Variants in DIDO1 observed in about 807,000 individuals in gnomAD.
The protein encoded by DIDO1 is death-inducer obliterator 1.
A neutral mutation model predicts 99.4 loss-of-function variants in DIDO1; 16 were observed. The observed-to-expected ratio is 0.16, with a 90% CI of 0.11 to 0.24. The LOEUF is 0.24. DIDO1 is among the 10% of genes least tolerant of loss of function. DIDO1 has a pLI of 1.00. For missense variants in DIDO1, 2,996 were observed against 3,014.0 expected (o/e 0.99, Z 0.14); for synonymous variants, 1,366 against 1,239.1 (o/e 1.10, Z -2.15).
intron 6 of DIDO1, among the ~76,000 whole-genome samples, chr20:62,902,876 A>T (rs977118278): frequency 1.3e-5 from 2 of 152,232 alleles, no homozygotes; most frequent in Non-Finnish European, 2.9e-5. Context: ...TGTTTAAGTC[A>T]CTTAATGAGC....
At chr20:62,889,660 TG>T in intron 15 of DIDO1, 1 of 985,410 alleles carries the variant, frequency 1.0e-6, no homozygotes, top group Non-Finnish European at 1.2e-6. Context: ...TTCCTCTCCC[TG>T]GTCACGTGGA....
chr20:62,882,109 C>T lies in DIDO1; in HGVS notation c.3847G>A (p.Ala1283Thr). 1 of 1,612,890 alleles carries T rather than the reference C, an allele frequency of 6.2e-7. No individual in the cohort carries two copies. Among genetic ancestry groups the T allele is most frequent in the Non-Finnish European group, 8.5e-7 (1 of 1,180,010 alleles). ...GTGGCTGCTGTGGCTGGGCTGGGGG[C>T]TGCAGGTTTGAGGGATGACAGCACT... ...LKVLSSLKPA[A>T]PSPATAATTA... is the part of the protein sequence containing the mutation. The change falls in exon 16 of 16, where the codon GCC becomes ACC. Residue 1283 changes from alanine (A) to threonine (T), a missense_variant. Physicochemically the swap from Ala to Thr is moderately conservative, Grantham distance 58. Transcript: ENST00000395343.
intron 15 of DIDO1, chr20:62,890,713 G>C (rs2064378750): frequency 3.0e-6 from 4 of 1,355,824 alleles, no homozygotes; most frequent in East Asian, 5.9e-5. Flanking sequence ...TGAGCTGGTT[G>C]CAGGCTGTGG....
chr20:62,911,943 G>A lies in DIDO1; in HGVS notation c.-2-329C>T, dbSNP rs1484042607. Among the ~76,000 whole-genome samples, 1 of 150,988 alleles carries A rather than the reference G, an allele frequency of 6.6e-6. No homozygotes were observed. The highest frequency in any genetic ancestry group is 2.5e-5 in the African/African-American group (1 of 40,294). ...TAGGAAATATTGGACAGTATAGCAG[G>A]GTAAGGATGTGAGTAAGGACGTGAG... On this transcript the variant is annotated intron_variant, in intron 2 of 15. Coordinates refer to ENST00000395343, the MANE Select transcript of DIDO1 (RefSeq NM_001193369.2). This position sits in a 1 kb window ranked among gnomAD's most constrained non-coding sequence, Gnocchi z 7.0.
chr20:62,930,626 G>A (rs2065324009), upstream of DIDO1, among the ~76,000 whole-genome samples: 1 of 152,166 alleles, frequency 6.6e-6, no homozygotes, highest in South Asian at 2.1e-4. Flanking sequence ...GATGGGAGGA[G>A]GGCATCACCC....
At chr20:62,918,551 C>T (rs141440144) in intron 1 of DIDO1, among the ~76,000 whole-genome samples, 1 of 152,308 alleles carries the variant, frequency 6.6e-6, no homozygotes, top group African/African-American at 2.4e-5. Context: ...CATAACATCG[C>T]ACCTCCAGGA....
Position 62,896,782 on chromosome 20 carries a change from G to A in DIDO1, c.1803C>T (p.Ser601=), listed in dbSNP as rs370531620. The A allele has an allele frequency of 1.2e-5, 19 of 1,613,984 alleles. No individual in the cohort carries two copies. Among genetic ancestry groups the A allele is most frequent in the Admixed American group, 1.7e-5 (1 of 60,012 alleles). ...CTGAAGCACCACTCGATGGGGTAGC[G>A]GAGAGCCATGGCCTCTTGGGGATGG... ...KGTIPKRPWL[S]ATPSSGASAA... Residue 601 remains serine, a synonymous_variant, in exon 7 of 16, where the codon TCC becomes TCT. Coordinates refer to ENST00000395343, the MANE Select transcript of DIDO1 (RefSeq NM_001193369.2). The surrounding 1 kb of genome is among the most constrained non-coding windows in gnomAD (Gnocchi z 4.4).
chr20:62,885,853 T>A (rs2064288687), intron 15 of DIDO1, among the ~76,000 whole-genome samples: 1 of 152,258 alleles, frequency 6.6e-6, no homozygotes, highest in African/African-American at 2.4e-5. Flanking sequence ...GGGAGCCATC[T>A]TCCCCTGGAG....
At chr20:62,932,939 G>A (rs1289725731) in intron 1 of DIDO1, among the ~76,000 whole-genome samples, 2 of 152,082 alleles carry the variant, frequency 1.3e-5, no homozygotes, top group East Asian at 1.9e-4. Flanking sequence ...CAGGCCAGGC[G>A]CCATGGCTCA....
Position 62,879,231 on chromosome 20 carries a change from GT to G in DIDO1, c.*1del. ...AAAAGGGTCTCTGCCCGGCCGGGGC[GT>G]CTAGGCCTGCGAGGCGGTGCCAGCG... On this transcript the variant is annotated 3_prime_UTR_variant, in exon 16 of 16. Coordinates refer to ENST00000395343, the MANE Select transcript of DIDO1 (RefSeq NM_001193369.2). This position sits in a 1 kb window ranked among gnomAD's most constrained non-coding sequence, Gnocchi z 6.3. 1 of 1,512,372 alleles carries G rather than the reference GT, an allele frequency of 6.6e-7. No homozygotes were observed. Among genetic ancestry groups the G allele is most frequent in the Non-Finnish European group, 8.8e-7 (1 of 1,135,786 alleles). The allele number at this position is 1,512,372 out of a possible 1,614,324, so 93.7% of individuals were successfully genotyped here. A position where few individuals can be genotyped will look rare whatever the true frequency, so the allele number is the denominator to read the frequency against.
intron 1 of DIDO1, among the ~76,000 whole-genome samples, chr20:62,919,801 C>T (rs2065102846): frequency 6.6e-6 from 1 of 152,240 alleles, no homozygotes; most frequent in Admixed American, 6.5e-5. Context: ...TTCCCTCTAT[C>T]TACTTCCTAG....
intron 15 of DIDO1, chr20:62,890,074 G>A (rs1038098052): frequency 1.1e-5 from 11 of 985,832 alleles, no homozygotes; most frequent in Non-Finnish European, 1.3e-5. Context: ...CACAGCTATG[G>A]CAGGAACACC....
In DIDO1 at chr20:62,894,927, A is replaced by G. The variant is rs374148538; in HGVS notation, c.2332-13T>C. ...TGGACTCCATCACCTGAAATGAAAA[A>G]GACGAAACAGAGCTTAGGCCTTGTT... On this transcript the variant is annotated splice_polypyrimidine_tract_variant and intron_variant, in intron 9 of 15. Transcript: ENST00000395343. The surrounding 1 kb of genome is among the most constrained non-coding windows in gnomAD (Gnocchi z 4.4). The G allele has an allele frequency of 5.0e-6, 8 of 1,611,770 alleles. No individual in the cohort carries two copies. The African/African-American group carries it at 9.4e-5, about 19-fold the overall frequency.
At chr20:62,917,960 G>A (rs571649941) in intron 1 of DIDO1, among the ~76,000 whole-genome samples, 2 of 152,278 alleles carry the variant, frequency 1.3e-5, no homozygotes, top group African/African-American at 4.8e-5. Flanking sequence ...AAAGAACTGT[G>A]GCAACATGCC....
In DIDO1 at chr20:62,907,187, A is replaced by T; in HGVS notation, c.1334T>A (p.Met445Lys). Residue 445 changes from methionine to lysine, a missense_variant, in exon 5 of 16, where the codon ATG (methionine) becomes AAG (lysine). Physicochemically the swap from Met to Lys is moderately conservative, Grantham distance 95. This residue lies in a region of DIDO1 where 898 missense variants were observed against 972.7 expected (regional missense o/e 0.92). Coordinates refer to ENST00000395343, the MANE Select transcript of DIDO1 (RefSeq NM_001193369.2). ...QKPKPKEKMK[M>K]KPEKPSLPKC... is the part of the protein sequence containing the mutation. ...CGGAAGACTGGGCTTCTCTGGCTTC[A>T]TCTTCATCTTTTCTTTAGGCTTTGG... 4.3e-6 allele frequency: 7 copies of T among 1,614,224 alleles called. No homozygotes were observed. The highest frequency in any genetic ancestry group is 5.9e-6 in the Non-Finnish European group (7 of 1,180,042).
At position 62,894,399 on chromosome 20, in the gene DIDO1, T is replaced by TG. The variant is rs779989352; in HGVS notation, c.2572+13dup. On this transcript the variant is annotated intron_variant, in intron 11 of 15. Transcript: ENST00000395343. The surrounding 1 kb of genome is among the most constrained non-coding windows in gnomAD (Gnocchi z 4.4). ...GTCTCAGCTCCAAGGCTCCATCCCC[T>TG]GCACTGTGCTCACCTGTGCAAATTT... is the stretch of plus-strand genomic sequence containing the variant. 5.6e-6 allele frequency: 9 copies of TG among 1,610,412 alleles called. No homozygotes were observed. The highest frequency in any genetic ancestry group is 5.5e-5 in the South Asian group (5 of 91,070).
rs1454141389 is a variant in DIDO1, at chr20:62,879,476, C to A, written c.6480G>T (p.Glu2160Asp). The change falls in exon 16 of 16, where the codon GAG becomes GAT. Residue 2160 changes from glutamate (E) to aspartate (D), a missense_variant. Coordinates refer to ENST00000395343, the MANE Select transcript of DIDO1 (RefSeq NM_001193369.2). The surrounding 1 kb of genome is among the most constrained non-coding windows in gnomAD (Gnocchi z 6.3). ...NRERSANRDR[E>D]READRGKEWD... is the part of the protein sequence containing the mutation. ...ACTCCTTGCCCCGGTCGGCCTCGCG[C>A]TCTCGGTCGCGGTTGGCGCTCCTCT... 1.9e-6 allele frequency: 3 copies of A among 1,581,070 alleles called. No individual in the cohort carries two copies. Among genetic ancestry groups the A allele is most frequent in the Non-Finnish European group, 1.7e-6 (2 of 1,170,768 alleles).
In DIDO1 at chr20:62,881,631, T is replaced by A. The variant is rs200125729; in HGVS notation, c.4325A>T (p.Asp1442Val). 39 of 1,612,686 alleles carry A rather than the reference T, an allele frequency of 2.4e-5. No homozygotes were observed. In the East Asian group the frequency reaches 6.7e-4, roughly 28 times the overall value. Residue 1442 changes from aspartate to valine, a missense_variant, in exon 16 of 16, where the codon GAT becomes GTT. Coordinates refer to ENST00000395343, the MANE Select transcript of DIDO1 (RefSeq NM_001193369.2). This position sits in a 1 kb window ranked among gnomAD's most constrained non-coding sequence, Gnocchi z 8.3. The part of the protein sequence containing the change: ...TILEEAKVTV[D>V]DLPNRMCADV... ...GGCACACATCCTGTTGGGCAGGTCATCAACAGTCACTTTCGCTTCTTCTAA... is the reference window on the plus strand; with the variant it reads ...GGCACACATCCTGTTGGGCAGGTCAACAACAGTCACTTTCGCTTCTTCTAA...
rs1406125576 is a variant in DIDO1 at position 62,881,978 on chromosome 20, TTTC to T, written c.3975_3977del (p.Lys1326del). 8 of 1,613,440 alleles carry T rather than the reference TTTC, an allele frequency of 5.0e-6. No individual in the cohort carries two copies. The Admixed American group carries it at 1.3e-4, about 27-fold the overall frequency. On this transcript the variant is annotated inframe_deletion, in exon 16 of 16. Transcript: ENST00000395343. This position sits in a 1 kb window ranked among gnomAD's most constrained non-coding sequence, Gnocchi z 8.3. ...GCTCTCTGGCGGACGGGTCGAATGATTTCTTCTTTCCAAAGAGAGTCTGCAGGA... is the reference window on the plus strand; with the variant it reads ...GCTCTCTGGCGGACGGGTCGAATGATTTCTTTCCAAAGAGAGTCTGCAGGA...
Sources: allele counts gnomAD v4.1 joint callset (sites outside exome capture counted in the v4.1 genomes callset), GRCh38; gene constraint gnomAD v4.1.1; regional missense constraint gnomAD v4.1.1; non-coding constraint Gnocchi (gnomAD v3.1); transcripts MANE v1.5; gene names NCBI Gene and HGNC (gene_info 2026-07-23, HGNC 2026-07-21).